Variants in VPS28 observed in about 807,000 individuals in gnomAD.
VPS28 encodes vacuolar protein sorting-associated protein 28 homolog.
In VPS28, 29 loss-of-function variants were observed where a neutral mutation model predicts 33.7. That is an observed-to-expected ratio of 0.86 (90% CI 0.64 to 1.17). The LOEUF (loss-of-function observed/expected upper bound fraction) is 1.17. VPS28 is among the 50% of genes most tolerant of loss of function. The pLI is 0.00. For missense variants in VPS28, 247 were observed against 312.2 expected, an observed-to-expected ratio of 0.79 and a Z score of 1.57; for synonymous variants, 164 against 116.7, an observed-to-expected ratio of 1.40 and a Z score of -2.61.
chr8:144,424,236 C>T lies in VPS28; in HGVS notation c.435G>A (p.Leu145=). Residue 145 remains leucine, a synonymous_variant, in exon 8 of 10, where the codon CTG becomes CTA. Transcript: ENST00000292510. The part of the protein sequence containing the change: ...LFITVMDKLR[L]EIRAMDEIQP... Reference sequence around the variant, plus strand: ...GCACCTCATCCATGGCGCGGATCTCCAGACGCAGCTTGTCCATGACCGTGA... The same window carrying T: ...GCACCTCATCCATGGCGCGGATCTCTAGACGCAGCTTGTCCATGACCGTGA... The T allele has an allele frequency of 6.2e-7, 1 of 1,607,122 alleles. No individual in the cohort carries two copies. The highest frequency in any genetic ancestry group is 8.5e-7 in the Non-Finnish European group (1 of 1,175,898).
In VPS28 at chr8:144,424,699, CCTGGGGG is replaced by C. The variant is rs1822600782; in HGVS notation, c.402+12_402+18del. The C allele has an allele frequency of 6.2e-7, 1 of 1,607,904 alleles. No homozygotes were observed. Among genetic ancestry groups the C allele is most frequent in the Non-Finnish European group, 8.5e-7 (1 of 1,179,668 alleles). ...AGCCTCGGCTCTCCTAACCACGTGCCCTGGGGGCTGGGGCGCACCGAGACCACGTCTG... is the reference window on the plus strand; with the variant it reads ...AGCCTCGGCTCTCCTAACCACGTGCCCTGGGGCGCACCGAGACCACGTCTG... On this transcript the variant is annotated intron_variant, in intron 7 of 9. Coordinates refer to ENST00000292510, the MANE Select transcript of VPS28 (RefSeq NM_016208.4).
chr8:144,423,710 A>G lies in VPS28; in HGVS notation c.*95T>C. 6.8e-7 allele frequency: 1 copy of G among 1,478,570 alleles called. No individual in the cohort carries two copies. The highest frequency in any genetic ancestry group is 1.2e-5 in the South Asian group (1 of 85,118). The allele number at this position is 1,478,570 out of a possible 1,614,324, so 91.6% of individuals were successfully genotyped here. Reference sequence around the variant, plus strand: ...ACCAGACAGGCAGCTGCAGACAGTGAGTTGTGTGGATGACCACGGCCTGTG... The same window carrying G: ...ACCAGACAGGCAGCTGCAGACAGTGGGTTGTGTGGATGACCACGGCCTGTG... On this transcript the variant is annotated 3_prime_UTR_variant, in exon 10 of 10. Transcript: ENST00000292510.
In VPS28 at chr8:144,426,956, C is replaced by CT. The variant is rs1554876981; in HGVS notation, c.-12dup. 14 of 1,612,230 alleles carry CT rather than the reference C, an allele frequency of 8.7e-6. No individual in the cohort carries two copies. The highest frequency in any genetic ancestry group is 1.2e-5 in the Non-Finnish European group (14 of 1,179,604). On this transcript the variant is annotated 5_prime_UTR_variant, in exon 2 of 10. Transcript: ENST00000292510. ...GATCCCATGAAACATCCTCTAGGCT[C>CT]TGGGGGGGGCACAGCACTGAGACCT... is the stretch of plus-strand genomic sequence containing the variant.
chr8:144,423,940 G>A lies in VPS28; in HGVS notation c.549-18C>T. 2 of 1,613,038 alleles carry A rather than the reference G, an allele frequency of 1.2e-6. No homozygotes were observed. Among genetic ancestry groups the A allele is most frequent in the Non-Finnish European group, 1.7e-6 (2 of 1,179,950 alleles). ...TCTGCAGCCTGGGAGTGCAGCACAG[G>A]GCATGTGGGGGCTGAGGGCCTCAGG... On this transcript the variant is annotated intron_variant, in intron 9 of 9. Transcript: ENST00000292510.
rs782393427 is a variant in VPS28, at chr8:144,423,929, G to A, written c.549-7C>T. 2 of 1,613,150 alleles carry A rather than the reference G, an allele frequency of 1.2e-6. No homozygotes were observed. The highest frequency in any genetic ancestry group is 1.1e-5 in the South Asian group (1 of 91,088). On this transcript the variant is annotated splice_polypyrimidine_tract_variant and splice_region_variant and intron_variant, in intron 9 of 9. Coordinates refer to ENST00000292510, the MANE Select transcript of VPS28 (RefSeq NM_016208.4). Reference sequence around the variant, plus strand: ...GCCGCTCAGGGTCTGCAGCCTGGGAGTGCAGCACAGGGCATGTGGGGGCTG... The same window carrying A: ...GCCGCTCAGGGTCTGCAGCCTGGGAATGCAGCACAGGGCATGTGGGGGCTG...
Position 144,426,203 on chromosome 8 carries a change from C to T in VPS28, c.43G>A (p.Gly15Arg), listed in dbSNP as rs781857387. Residue 15 changes from glycine to arginine, a missense_variant, in exon 3 of 10, where the codon GGG becomes AGG. By Grantham distance (125) the Gly-to-Arg change is moderately radical. Coordinates refer to ENST00000292510, the MANE Select transcript of VPS28 (RefSeq NM_016208.4). ...IPATPGIGAP[G>R]NKPELYEEVK... is the part of the protein sequence containing the mutation. Reference sequence around the variant, plus strand: ...ACCTCATACAGCTCCGGCTTGTTCCCAGGGGCTGCAAGAGAAGGCAGAGAG... The same window carrying T: ...ACCTCATACAGCTCCGGCTTGTTCCTAGGGGCTGCAAGAGAAGGCAGAGAG... The T allele has an allele frequency of 1.2e-6, 2 of 1,604,470 alleles. No homozygotes were observed. The highest frequency in any genetic ancestry group is 1.7e-6 in the Non-Finnish European group (2 of 1,175,788).
In VPS28 at chr8:144,425,039, G is replaced by C. The variant is rs1554876368; in HGVS notation, c.207C>G (p.Ala69=). The C allele has an allele frequency of 6.4e-7, 1 of 1,551,948 alleles. No homozygotes were observed. The highest frequency in any genetic ancestry group is 2.0e-5 in the Admixed American group (1 of 51,030). ...TGTATTGGACCAGGAGCCGGGAGCA[G>C]GCTGCAGTGTACCTAGGGAGAGGTC... The part of the protein sequence containing the change: ...DCVSPSEYTA[A]CSRLLVQYKA... The change falls in exon 6 of 10, where the codon GCC becomes GCG. Residue 69 remains alanine, a synonymous_variant. Coordinates refer to ENST00000292510, the MANE Select transcript of VPS28 (RefSeq NM_016208.4).
chr8:144,427,661 G>A (rs1166552958), intron 1 of VPS28, among the ~76,000 whole-genome samples: 3 of 152,168 alleles, frequency 2.0e-5, no homozygotes, highest in South Asian at 2.1e-4. Flanking sequence ...TCGAAAGAGG[G>A]GGTCCTAGGG....
At chr8:144,424,381 A>G in intron 7 of VPS28, 113 bp from the exon 8 acceptor site, 1 of 1,384,186 alleles carries the variant, frequency 7.2e-7, no homozygotes, top group East Asian at 2.4e-5. Flanking sequence ...TCCTCACTGT[A>G]CTCTGTTCCC....
rs1554875785 is a variant in VPS28, at chr8:144,423,816, G to A, written c.655C>T (p.Leu219=). The change falls in exon 10 of 10, where the codon CTG becomes TTG. Residue 219 remains leucine, a synonymous_variant. Transcript: ENST00000292510. ...CTAGTGCCCCGGGCTCAGGCATGCA[G>A]GAAGCGGTTGAAGGCGTTGTAGGCT... is the stretch of plus-strand genomic sequence containing the variant. The part of the protein sequence containing the change: ...ESAYNAFNRF[L]HA The A allele has an allele frequency of 3.7e-6, 6 of 1,613,020 alleles. No homozygotes were observed. The highest frequency in any genetic ancestry group is 5.1e-6 in the Non-Finnish European group (6 of 1,180,040).
At position 144,423,880 on chromosome 8, in the gene VPS28, G is replaced by A. The variant is rs781988369; in HGVS notation, c.591C>T (p.Asp197=). 2.0e-5 allele frequency: 32 copies of A among 1,613,008 alleles called. No individual in the cohort carries two copies. The highest frequency in any genetic ancestry group is 1.3e-4 in the African/African-American group (10 of 74,938). The change falls in exon 10 of 10, where the codon GAC becomes GAT. Residue 197 remains aspartate, a synonymous_variant. Coordinates refer to ENST00000292510, the MANE Select transcript of VPS28 (RefSeq NM_016208.4). ...LSGMSASDEL[D]DSQVRQMLFD... ...ACAGCATCTGACGCACCTGTGAGTC[G>A]TCCAGCTCATCTGACGCCGACATGC...
Position 144,426,210 on chromosome 8 carries a change from T to C in VPS28, c.38-2A>G, listed in dbSNP as rs1554876749. 2 of 1,602,554 alleles carry C rather than the reference T, an allele frequency of 1.2e-6. No homozygotes were observed. The highest frequency in any genetic ancestry group is 2.2e-5 in the East Asian group (1 of 44,586). Reference sequence around the variant, plus strand: ...ACAGCTCCGGCTTGTTCCCAGGGGCTGCAAGAGAAGGCAGAGAGCTGGCAG... The same window carrying C: ...ACAGCTCCGGCTTGTTCCCAGGGGCCGCAAGAGAAGGCAGAGAGCTGGCAG... On this transcript the variant is annotated splice_acceptor_variant, in intron 2 of 9. Coordinates refer to ENST00000292510, the MANE Select transcript of VPS28 (RefSeq NM_016208.4). LOFTEE classifies it high-confidence loss of function.
rs1554875924 is a variant in VPS28, at chr8:144,424,067, A to G, written c.522T>C (p.Phe174=). 1.3e-5 allele frequency: 21 copies of G among 1,568,462 alleles called. No homozygotes were observed. The highest frequency in any genetic ancestry group is 1.8e-5 in the Non-Finnish European group (21 of 1,153,680). The part of the protein sequence containing the change: ...MHRMSHLPPD[F]EGRQTVSQWL... ...ACTGGCTGACCGTCTGGCGGCCCTCAAAGTCGGGTGGGAGGTGGCTCATGC... is the reference window on the plus strand; with the variant it reads ...ACTGGCTGACCGTCTGGCGGCCCTCGAAGTCGGGTGGGAGGTGGCTCATGC... The change falls in exon 9 of 10, where the codon TTT becomes TTC. Residue 174 remains phenylalanine, a synonymous_variant. Coordinates refer to ENST00000292510, the MANE Select transcript of VPS28 (RefSeq NM_016208.4).
In VPS28 at chr8:144,425,954, G is replaced by A. The variant is rs1418861560; in HGVS notation, c.104+72C>T. 2.7e-6 allele frequency: 4 copies of A among 1,471,652 alleles called. No individual in the cohort carries two copies. In the African/African-American group the frequency reaches 5.7e-5, roughly 21 times the overall value. The allele number at this position is 1,471,652 out of a possible 1,614,324, so 91.2% of individuals were successfully genotyped here. ...CCTCCCACCCCTCAGTTTGGGGTGGGTCTGGAGGGGCTGCCCCAGGGCAGC... is the reference window on the plus strand; with the variant it reads ...CCTCCCACCCCTCAGTTTGGGGTGGATCTGGAGGGGCTGCCCCAGGGCAGC... On this transcript the variant is annotated intron_variant, in intron 4 of 9. Coordinates refer to ENST00000292510, the MANE Select transcript of VPS28 (RefSeq NM_016208.4).
Position 144,425,965 on chromosome 8 carries a change from C to A in VPS28, c.104+61G>T, listed in dbSNP as rs1251524825. 6 of 1,469,528 alleles carry A rather than the reference C, an allele frequency of 4.1e-6. No individual in the cohort carries two copies. The African/African-American group carries it at 7.1e-5, about 17-fold the overall frequency. 91.0% of individuals were successfully genotyped at this position (1,469,528 alleles called of 1,614,324 possible). A position where few individuals can be genotyped will look rare whatever the true frequency, so the allele number is the denominator to read the frequency against. On this transcript the variant is annotated intron_variant, in intron 4 of 9. Transcript: ENST00000292510. ...TCAGTTTGGGGTGGGTCTGGAGGGG[C>A]TGCCCCAGGGCAGCCAGATGCGCAT...
chr8:144,425,604 C>CA (rs1214022681), intron 5 of VPS28, 79 bp downstream of exon 5: 4 of 1,501,318 alleles, frequency 2.7e-6, no homozygotes, highest in Non-Finnish European at 3.7e-6. Flanking sequence ...CCCAGCCTGA[C>CA]AGACGCCTGC....
chr8:144,423,980 C>T (rs1554875877), intron 9 of VPS28, 58 bp from the exon 10 acceptor site: 2 of 1,609,954 alleles, frequency 1.2e-6, no homozygotes, highest in Admixed American at 1.7e-5. Flanking sequence ...CTGCGGGGCT[C>T]CGCCTGGCTG....
Position 144,423,740 on chromosome 8 carries a change from G to C in VPS28, c.*65C>G. On this transcript the variant is annotated 3_prime_UTR_variant, in exon 10 of 10. Transcript: ENST00000292510. Reference sequence around the variant, plus strand: ...TGTGGATGACCACGGCCTGTGTGGCGGACAGGGGACCAGGAGCCATCGCCT... The same window carrying C: ...TGTGGATGACCACGGCCTGTGTGGCCGACAGGGGACCAGGAGCCATCGCCT... The C allele has an allele frequency of 2.5e-6, 4 of 1,594,368 alleles. No homozygotes were observed. Among genetic ancestry groups the C allele is most frequent in the Non-Finnish European group, 3.4e-6 (4 of 1,166,172 alleles).
intron 7 of VPS28, 114 bp downstream of exon 7, chr8:144,424,604 C>T: frequency 8.2e-7 from 1 of 1,212,732 alleles, no homozygotes; most frequent in South Asian, 1.3e-5. Flanking sequence ...TTCCCTTCTG[C>T]CCAGCAAGTC....
Sources: allele counts gnomAD v4.1 joint callset (sites outside exome capture counted in the v4.1 genomes callset), GRCh38; gene constraint gnomAD v4.1.1; transcripts MANE v1.5; gene names NCBI Gene and HGNC (gene_info 2026-07-23, HGNC 2026-07-21).